The following PRORP variants were observed in gnomAD, a reference collection of about 807,000 sequenced individuals.
PRORP encodes the protein protein only RNase P catalytic subunit, also known as mitochondrial ribonuclease P catalytic subunit.
In PRORP, 51 loss-of-function variants were observed where a neutral mutation model predicts 59.4. That is an observed-to-expected ratio of 0.86 (90% CI 0.69 to 1.08). The LOEUF is 1.08. Ranked by LOEUF, PRORP falls within the 50% of genes least tolerant of loss-of-function variation. The pLI is 0.00. For synonymous variants in PRORP, 231 were observed against 245.6 expected (o/e 0.94, Z 0.55); for missense variants, 646 against 690.3 (o/e 0.94, Z 0.72).
At chr14:35,251,227 C>T (rs1419118668) in intron 5 of PRORP, among the ~76,000 whole-genome samples, 2 of 152,108 alleles carry the variant, frequency 1.3e-5, no homozygotes, top group Non-Finnish European at 2.9e-5. Flanking sequence ...GAGTAGTATT[C>T]CATCATATAT....
chr14:35,262,924 A>G (rs532954618), intron 5 of PRORP: 31 of 1,588,058 alleles, frequency 2.0e-5, no homozygotes, highest in African/African-American at 2.7e-5. Context: ...CTTGTTTCCA[A>G]TTTAGAGGCT....
At chr14:35,202,538 A>G (rs1313808436) in intron 5 of PRORP, among the ~76,000 whole-genome samples, 3 of 152,206 alleles carry the variant, frequency 2.0e-5, no homozygotes. Context: ...TAAAAGGAGA[A>G]GTTTAAGCAA....
intron 4 of PRORP, among the ~76,000 whole-genome samples, chr14:35,166,362 C>G (rs2048184339): frequency 6.6e-6 from 1 of 151,856 alleles, no homozygotes; most frequent in African/African-American, 2.4e-5. Context: ...TTCATAGATG[C>G]AACCGAATTT....
At chr14:35,262,838 G>C in intron 5 of PRORP, 8 of 1,495,960 alleles carry the variant, frequency 5.3e-6, no homozygotes, top group Non-Finnish European at 7.4e-6. Flanking sequence ...TCAGGGTTCG[G>C]ATGAGAACAG....
chr14:35,268,618 C>T (rs931823458), intron 6 of PRORP, among the ~76,000 whole-genome samples: 5 of 152,098 alleles, frequency 3.3e-5, no homozygotes, highest in South Asian at 2.1e-4. Context: ...TTTATTGAGA[C>T]GGAGTCTCAC....
intron 5 of PRORP, among the ~76,000 whole-genome samples, chr14:35,238,907 C>G (rs1195245199): frequency 6.6e-6 from 1 of 152,290 alleles, no homozygotes. Context: ...AATAACAACA[C>G]GTAGTCTTTT....
At chr14:35,264,795 T>C (rs2050999492) in intron 5 of PRORP, among the ~76,000 whole-genome samples, 2 of 152,274 alleles carry the variant, frequency 1.3e-5, no homozygotes, top group South Asian at 4.1e-4. Flanking sequence ...CTGGCCATTA[T>C]GGTGAAACCC....
intron 5 of PRORP, among the ~76,000 whole-genome samples, chr14:35,266,099 C>T (rs2051031892): frequency 1.3e-5 from 2 of 151,914 alleles, no homozygotes; most frequent in Non-Finnish European, 2.9e-5. Flanking sequence ...GGGTGGGTCA[C>T]CTGAGGTCAG....
At chr14:35,225,919 A>T (rs1410008065) in intron 5 of PRORP, among the ~76,000 whole-genome samples, 2 of 152,144 alleles carry the variant, frequency 1.3e-5, no homozygotes, top group African/African-American at 4.8e-5. Context: ...ATGAGAAAAG[A>T]GCTTAAGAAG....
chr14:35,226,709 TAAAC>T (rs1351155910), intron 5 of PRORP, among the ~76,000 whole-genome samples: 1 of 152,028 alleles, frequency 6.6e-6, no homozygotes, highest in Admixed American at 6.5e-5. Flanking sequence ...AATAGATGGT[TAAAC>T]AAACAAGCAA....
At chr14:35,121,985 G>C, upstream of PRORP, 2 of 1,614,026 alleles carry the variant, frequency 1.2e-6, no homozygotes, top group Non-Finnish European at 1.7e-6. Context: ...AGCAGCTTCT[G>C]CATTTGCTGT....
chr14:35,241,700 C>G (rs1027721407), intron 5 of PRORP, among the ~76,000 whole-genome samples: 4 of 152,164 alleles, frequency 2.6e-5, no homozygotes, highest in Non-Finnish European at 1.5e-5. Flanking sequence ...AGAGTCCTGC[C>G]TACCTCCCAG....
intron 5 of PRORP, among the ~76,000 whole-genome samples, chr14:35,206,090 G>A (rs1270772947): frequency 6.6e-6 from 1 of 152,196 alleles, no homozygotes; most frequent in African/African-American, 2.4e-5. Context: ...AATGTTGAAT[G>A]AATATTTGAC....
intron 5 of PRORP, chr14:35,262,481 A>C: frequency 2.0e-6 from 1 of 507,914 alleles, no homozygotes; most frequent in South Asian, 1.9e-5. Flanking sequence ...CTCAGCAACC[A>C]GACTGTCAAC....
intron 5 of PRORP, among the ~76,000 whole-genome samples, chr14:35,211,626 A>G (rs1201324060): frequency 1.3e-5 from 2 of 152,266 alleles, no homozygotes; most frequent in Non-Finnish European, 2.9e-5. Flanking sequence ...TCTATTATGT[A>G]TGCAATAACA....
At position 35,124,518 on chromosome 14, in the gene PRORP, C is replaced by T. The variant is rs1036773050; in HGVS notation, c.986+287C>T. The T allele has an allele frequency of 3.4e-4, 68 of 199,904 alleles. 1 individual carries two copies. Among genetic ancestry groups the T allele is most frequent in the Admixed American group, 3.2e-3 (54 of 16,702 alleles). The allele number at this position is 199,904 out of a possible 1,614,324, so 12.4% of individuals were successfully genotyped here. A position where few individuals can be genotyped will look rare whatever the true frequency, so the allele number is the denominator to read the frequency against. On this transcript the variant is annotated intron_variant, in intron 2 of 7. Coordinates refer to ENST00000534898, the MANE Select transcript of PRORP (RefSeq NM_014672.4). ...GCTGAGAATCACTCTTCTGATTATA[C>T]TTTTTTCCATCTCTTAGTAAGATTT...
At chr14:35,175,616 G>A (rs1006891680) in intron 4 of PRORP, among the ~76,000 whole-genome samples, 1 of 151,690 alleles carries the variant, frequency 6.6e-6, no homozygotes, top group Non-Finnish European at 1.5e-5. Context: ...ATTTGTTAGA[G>A]TTCTTTGTAG....
intron 7 of PRORP, among the ~76,000 whole-genome samples, chr14:35,272,906 C>A (rs2051229361): frequency 6.6e-6 from 1 of 152,078 alleles, no homozygotes; most frequent in African/African-American, 2.4e-5. Context: ...TACTTTGAAT[C>A]ATCTAGATTA....
At chr14:35,189,300 T>G (rs1345362066) in intron 5 of PRORP, among the ~76,000 whole-genome samples, 1 of 152,138 alleles carries the variant, frequency 6.6e-6, no homozygotes, top group Non-Finnish European at 1.5e-5. Context: ...CTCAAACCCC[T>G]GGGCTCAAGT....
Sources: gnomAD v4.1 joint callset for allele counts (sites outside exome capture counted in the v4.1 genomes callset) on GRCh38, gnomAD v4.1.1 for gene constraint, MANE v1.5 for transcripts, NCBI Gene and HGNC (gene_info 2026-07-23, HGNC 2026-07-21) for gene names.